Variants in CNBD1 observed in about 807,000 individuals in gnomAD.
The protein encoded by CNBD1 is cyclic nucleotide binding domain containing 1, also known as cyclic nucleotide-binding domain-containing protein 1.
In CNBD1, 71 loss-of-function variants were observed where a neutral mutation model predicts 54.4. That is an observed-to-expected ratio of 1.30 (90% CI 1.08 to 1.59). The LOEUF is 1.59. Among genes scored for constraint, CNBD1 ranks in the 40% most tolerant of loss-of-function variants. The probability of loss-of-function intolerance (pLI) is 0.00; values close to 1 mark genes in which losing one functional copy is unlikely to be tolerated. For missense variants in CNBD1, 659 were observed against 518.0 expected, an observed-to-expected ratio of 1.27 and a Z score of -2.64; for synonymous variants, 182 against 170.7, an observed-to-expected ratio of 1.07 and a Z score of -0.51.
intron 4 of CNBD1, among the ~76,000 whole-genome samples, chr8:86,975,319 C>A (rs1808316415): frequency 6.6e-6 from 1 of 151,904 alleles, no homozygotes; most frequent in Non-Finnish European, 1.5e-5. Context: ...AATAGACAAC[C>A]AGAACCTTCC....
At chr8:87,419,107 A>ATATAAT (rs1554588696) in intron 2 of CNBD1, among the ~76,000 whole-genome samples, 2 of 151,162 alleles carry the variant, frequency 1.3e-5, no homozygotes, top group Non-Finnish European at 3.0e-5. Context: ...ATGTATATAT[A>ATATAAT]TATTCATTCA....
chr8:86,893,275 G>C (rs527429496), intron 2 of CNBD1, among the ~76,000 whole-genome samples: 1 of 152,242 alleles, frequency 6.6e-6, no homozygotes, highest in East Asian at 1.9e-4. Flanking sequence ...AATTGTTTAG[G>C]CGGGATTTTC....
At chr8:86,877,911 A>G (rs1213633414) in intron 1 of CNBD1, among the ~76,000 whole-genome samples, 1 of 151,932 alleles carries the variant, frequency 6.6e-6, no homozygotes, top group East Asian at 1.9e-4. Context: ...CTCTGTGTCT[A>G]TGGCTATATT....
chr8:87,201,028 C>T (rs1813848337), intron 4 of CNBD1, among the ~76,000 whole-genome samples: 1 of 151,988 alleles, frequency 6.6e-6, no homozygotes, highest in Non-Finnish European at 1.5e-5. Flanking sequence ...AATCCAGAAA[C>T]ATATAAAAAA....
chr8:87,367,969 A>G (rs1810676810), intron 10 of CNBD1, among the ~76,000 whole-genome samples: 1 of 152,084 alleles, frequency 6.6e-6, no homozygotes, highest in East Asian at 2.0e-4. Context: ...CAGGAGTTTG[A>G]TTACCAACAT....
At chr8:87,378,893 G>A (rs1216437209) in intron 10 of CNBD1, among the ~76,000 whole-genome samples, 1 of 149,048 alleles carries the variant, frequency 6.7e-6, no homozygotes, top group Non-Finnish European at 1.5e-5. Context: ...TGGATTCCTA[G>A]GTATTTTATT....
At chr8:86,920,029 A>G (rs1363833371) in intron 3 of CNBD1, among the ~76,000 whole-genome samples, 1 of 152,110 alleles carries the variant, frequency 6.6e-6, no homozygotes, top group African/African-American at 2.4e-5. Context: ...AAGTCACCAA[A>G]CTGTAACTTT....
At chr8:86,954,914 A>G (rs1017710777) in intron 4 of CNBD1, among the ~76,000 whole-genome samples, 1 of 152,104 alleles carries the variant, frequency 6.6e-6, no homozygotes, top group Non-Finnish European at 1.5e-5. Flanking sequence ...TATATGTGCC[A>G]TGTTGGTGTG....
intron 4 of CNBD1, among the ~76,000 whole-genome samples, chr8:87,108,508 G>C (rs752749028): frequency 6.6e-6 from 1 of 152,106 alleles, no homozygotes; most frequent in Non-Finnish European, 1.5e-5. Flanking sequence ...TGATATTTAT[G>C]CATTGTTTAA....
intron 4 of CNBD1, among the ~76,000 whole-genome samples, chr8:86,988,694 A>G (rs1191766575): frequency 6.6e-6 from 1 of 151,950 alleles, no homozygotes; most frequent in African/African-American, 2.4e-5. Flanking sequence ...CCAGCCTATG[A>G]TATTCATTAT....
chr8:87,089,588 G>A (rs910328971), intron 4 of CNBD1, among the ~76,000 whole-genome samples: 1 of 151,998 alleles, frequency 6.6e-6, no homozygotes, highest in African/African-American at 2.4e-5. Flanking sequence ...GTTGGAAGAC[G>A]GAAGACTAAA....
chr8:86,961,002 A>C (rs1807915100), intron 4 of CNBD1, among the ~76,000 whole-genome samples: 2 of 152,138 alleles, frequency 1.3e-5, no homozygotes, highest in African/African-American at 4.8e-5. Context: ...CCTTTCACCA[A>C]CCTAGTTTCT....
chr8:87,045,885 C>T (rs1160867682), intron 4 of CNBD1, among the ~76,000 whole-genome samples: 1 of 151,466 alleles, frequency 6.6e-6, no homozygotes, highest in Non-Finnish European at 1.5e-5. Context: ...ACTGAAAATA[C>T]AAAAAATTAG....
chr8:87,201,623 A>G (rs1237896104), intron 4 of CNBD1, among the ~76,000 whole-genome samples: 1 of 152,186 alleles, frequency 6.6e-6, no homozygotes, highest in Non-Finnish European at 1.5e-5. Flanking sequence ...CATTTAGAAT[A>G]CCCTCAAAGA....
chr8:87,374,377 A>G (rs1810881339), intron 10 of CNBD1, among the ~76,000 whole-genome samples: 1 of 151,854 alleles, frequency 6.6e-6, no homozygotes, highest in African/African-American at 2.4e-5. Flanking sequence ...TAAAATTTAC[A>G]GAGTTATGCA....
intron 10 of CNBD1, among the ~76,000 whole-genome samples, chr8:87,380,394 A>G (rs1223759868): frequency 1.3e-5 from 2 of 151,924 alleles, no homozygotes; most frequent in Non-Finnish European, 2.9e-5. Flanking sequence ...TCTTTATGCA[A>G]TACCATACTG....
At chr8:87,248,398 G>T (rs1044002260) in intron 6 of CNBD1, among the ~76,000 whole-genome samples, 8 of 152,176 alleles carry the variant, frequency 5.3e-5, no homozygotes, top group Non-Finnish European at 1.2e-4. Flanking sequence ...AGACTTCCTA[G>T]CTTTAGCAAT....
chr8:87,408,955 C>A (rs141666561), intron 2 of CNBD1, among the ~76,000 whole-genome samples: 1 of 152,048 alleles, frequency 6.6e-6, no homozygotes, highest in Admixed American at 6.6e-5. Flanking sequence ...CTCAGACCTA[C>A]GTGTTCCCTA....
At chr8:87,095,728 G>T (rs1811304229) in intron 4 of CNBD1, among the ~76,000 whole-genome samples, 1 of 152,164 alleles carries the variant, frequency 6.6e-6, no homozygotes, top group Non-Finnish European at 1.5e-5. Flanking sequence ...CACGATCTCG[G>T]CTCACTGAAA....
Sources: allele counts gnomAD v4.1 joint callset (sites outside exome capture counted in the v4.1 genomes callset), GRCh38; gene constraint gnomAD v4.1.1; transcripts MANE v1.5; gene names NCBI Gene and HGNC (gene_info 2026-07-23, HGNC 2026-07-21).